Variants in CLPTM1 observed in about 807,000 individuals in gnomAD.
CLPTM1 encodes the protein putative lipid scramblase CLPTM1.
In CLPTM1, 21 loss-of-function variants were observed where a neutral mutation model predicts 77.3. The ratio of observed to expected loss-of-function variants is 0.27; its 90% confidence interval spans 0.19 to 0.39. The LOEUF is 0.39. Ranked by LOEUF, CLPTM1 falls within the 10% of genes least tolerant of loss-of-function variation. CLPTM1 has a pLI of 1.00. For missense variants in CLPTM1, 642 were observed against 921.2 expected (o/e 0.70, Z 3.92); for synonymous variants, 373 against 381.0 (o/e 0.98, Z 0.24).
Position 44,955,540 on chromosome 19 carries a change from C to T in CLPTM1, c.72+73C>T, listed in dbSNP as rs1970448950. ...GCCTCCCACGGGGCGTGTCCTACCT[C>T]TTGTCACGGAATCCCGTGCACTGGG... On this transcript the variant is annotated intron_variant, in intron 1 of 13. Transcript: ENST00000337392. The T allele has an allele frequency of 4.1e-6, 5 of 1,211,952 alleles. No individual in the cohort carries two copies. The South Asian group carries it at 1.5e-4, about 36-fold the overall frequency. 75.1% of individuals were successfully genotyped at this position (1,211,952 alleles called of 1,614,324 possible).
Position 44,990,011 on chromosome 19 carries a change from C to A in CLPTM1, c.1133-384C>A. 1 of 212,154 alleles carries A rather than the reference C, an allele frequency of 4.7e-6. No individual in the cohort carries two copies. Among genetic ancestry groups the A allele is most frequent in the Non-Finnish European group, 9.4e-6 (1 of 106,722 alleles). 13.1% of individuals were successfully genotyped at this position (212,154 alleles called of 1,614,324 possible). On this transcript the variant is annotated intron_variant, in intron 9 of 13. Coordinates refer to ENST00000337392, the MANE Select transcript of CLPTM1 (RefSeq NM_001294.4). The surrounding 1 kb of genome is among the most constrained non-coding windows in gnomAD (Gnocchi z 4.8). ...AGCTGGCACCATGGTGTGGCACAGA[C>A]CCCGCGTCCCTTCAGATTCTGCCAT...
chr19:44,954,800 G>C (rs1970430812), upstream of CLPTM1: 1 of 1,281,456 alleles, frequency 7.8e-7, no homozygotes, highest in African/African-American at 1.5e-5. Context: ...TTGGCCGTAA[G>C]ACCCCTGGAA....
chr19:44,968,801 G>A (rs1031157594), intron 2 of CLPTM1, among the ~76,000 whole-genome samples: 2 of 152,200 alleles, frequency 1.3e-5, no homozygotes, highest in Non-Finnish European at 2.9e-5. Flanking sequence ...CCCCTGGTGT[G>A]TTTACTAAAA....
At position 44,973,157 on chromosome 19, in the gene CLPTM1, G is replaced by A. The variant is rs1341560422; in HGVS notation, c.256G>A (p.Gly86Arg). Residue 86 changes from glycine to arginine, a missense_variant, in exon 3 of 14, where the codon GGA becomes AGA. By Grantham distance (125) the Gly-to-Arg change is moderately radical. This residue lies in a region of CLPTM1 where 521 missense variants were observed against 800.4 expected (regional missense o/e 0.65). Coordinates refer to ENST00000337392, the MANE Select transcript of CLPTM1 (RefSeq NM_001294.4). ...GPAPQDQAGP[G>R]GAPRVASRNL... ...GGCCCCTCAGGACCAGGCGGGCCCCGGAGGAGCTCCACGCGTCGCCAGCCG... is the reference window on the plus strand; with the variant it reads ...GGCCCCTCAGGACCAGGCGGGCCCCAGAGGAGCTCCACGCGTCGCCAGCCG... 7.4e-6 allele frequency: 12 copies of A among 1,614,004 alleles called. No homozygotes were observed. Among genetic ancestry groups the A allele is most frequent in the Non-Finnish European group, 9.3e-6 (11 of 1,179,948 alleles).
At chr19:44,971,399 A>G (rs1322652986) in intron 2 of CLPTM1, among the ~76,000 whole-genome samples, 1 of 152,104 alleles carries the variant, frequency 6.6e-6, no homozygotes, top group Non-Finnish European at 1.5e-5. Flanking sequence ...TTCCAGTGAG[A>G]GGGTTGGTCT....
chr19:44,967,843 G>A (rs1970658510), intron 2 of CLPTM1, among the ~76,000 whole-genome samples: 1 of 152,118 alleles, frequency 6.6e-6, no homozygotes, highest in African/African-American at 2.4e-5. Context: ...TTCCTGCCAT[G>A]TGCCCTACGC....
In CLPTM1 at chr19:44,990,756, G is replaced by A; in HGVS notation, c.1324-94G>A. On this transcript the variant is annotated intron_variant, in intron 10 of 13. Coordinates refer to ENST00000337392, the MANE Select transcript of CLPTM1 (RefSeq NM_001294.4). The surrounding 1 kb of genome is among the most constrained non-coding windows in gnomAD (Gnocchi z 4.8). The stretch of plus-strand genomic sequence containing the variant: ...TTTTTGGGTCACACATGGGGCAGGG[G>A]AACTGGGAACGGTGGGGAAGGGCAG... 2 of 1,304,290 alleles carry A rather than the reference G, an allele frequency of 1.5e-6. No homozygotes were observed. Among genetic ancestry groups the A allele is most frequent in the Non-Finnish European group, 2.2e-6 (2 of 914,278 alleles). The allele number at this position is 1,304,290 out of a possible 1,614,324, so 80.8% of individuals were successfully genotyped here.
At position 44,992,521 on chromosome 19, in the gene CLPTM1, C is replaced by T; in HGVS notation, c.1724-90C>T. The stretch of plus-strand genomic sequence containing the variant: ...GGGTGCTCAGTCTGAGGGGGCTCGG[C>T]CCCGCCCTTGCATCACGCCCTCTCC... On this transcript the variant is annotated intron_variant, in intron 13 of 13. Transcript: ENST00000337392. This position sits in a 1 kb window ranked among gnomAD's most constrained non-coding sequence, Gnocchi z 7.7. The T allele has an allele frequency of 6.3e-7, 1 of 1,590,918 alleles. No homozygotes were observed. The highest frequency in any genetic ancestry group is 8.6e-7 in the Non-Finnish European group (1 of 1,164,310).
intron 2 of CLPTM1, among the ~76,000 whole-genome samples, chr19:44,970,923 TG>T (rs1189273100): frequency 1.4e-5 from 2 of 145,602 alleles, no homozygotes; most frequent in South Asian, 2.2e-4. Flanking sequence ...CTCCTTCTCC[TG>T]GGTTCAAGCG....
At chr19:44,971,663 ACT>A (rs1263086103) in intron 2 of CLPTM1, among the ~76,000 whole-genome samples, 1 of 151,406 alleles carries the variant, frequency 6.6e-6, no homozygotes, top group African/African-American at 2.4e-5. Context: ...GGCTCAAGTG[ACT>A]CTCTCACCTC....
At chr19:44,980,262 A>C (rs888450333) in intron 5 of CLPTM1, among the ~76,000 whole-genome samples, 10 of 152,258 alleles carry the variant, frequency 6.6e-5, no homozygotes, top group African/African-American at 2.4e-4. Context: ...GAAACCCAGC[A>C]CTTTGGGAAG....
Position 44,992,730 on chromosome 19 carries a change from C to T in CLPTM1, c.1843C>T (p.Pro615Ser). The T allele has an allele frequency of 1.2e-6, 2 of 1,613,298 alleles. No individual in the cohort carries two copies. The highest frequency in any genetic ancestry group is 1.6e-4 in the Middle Eastern group (1 of 6,062). Residue 615 changes from proline (P) to serine (S), a missense_variant, in exon 14 of 14, where the codon CCC (proline) becomes TCC (serine). By Grantham distance (74) the Pro-to-Ser change is moderately conservative (BLOSUM62 -1). Coordinates refer to ENST00000337392, the MANE Select transcript of CLPTM1 (RefSeq NM_001294.4). This position sits in a 1 kb window ranked among gnomAD's most constrained non-coding sequence, Gnocchi z 7.7. ...AGCTGCCGCCCCCGTGGCCGAGGTT[C>T]CCACAGCAGCAGGGGCCCTCACGCC... ...PTAAAPVAEV[P>S]TAAGALTPTP...
chr19:44,992,161 A>C lies in CLPTM1; in HGVS notation c.1556-72A>C. On this transcript the variant is annotated intron_variant, in intron 12 of 13. Coordinates refer to ENST00000337392, the MANE Select transcript of CLPTM1 (RefSeq NM_001294.4). The surrounding 1 kb of genome is among the most constrained non-coding windows in gnomAD (Gnocchi z 7.7). ...TGTAGGAAGTGGTGAGGGGGCTGGTATGGCCAGTGCAGAGTGCACAGGGGA... is the reference window on the plus strand; with the variant it reads ...TGTAGGAAGTGGTGAGGGGGCTGGTCTGGCCAGTGCAGAGTGCACAGGGGA... 1 of 1,516,468 alleles carries C rather than the reference A, an allele frequency of 6.6e-7. No individual in the cohort carries two copies. Among genetic ancestry groups the C allele is most frequent in the East Asian group, 2.3e-5 (1 of 44,268 alleles). The allele number at this position is 1,516,468 out of a possible 1,614,324, so 93.9% of individuals were successfully genotyped here. A position where few individuals can be genotyped will look rare whatever the true frequency, so the allele number is the denominator to read the frequency against.
At chr19:44,969,155 A>T (rs180949221) in intron 2 of CLPTM1, among the ~76,000 whole-genome samples, 1 of 152,330 alleles carries the variant, frequency 6.6e-6, no homozygotes, top group East Asian at 1.9e-4. Context: ...ACCAGGCTCC[A>T]TTCTGAGGTA....
intron 4 of CLPTM1, 72 bp from the exon 5 acceptor site, chr19:44,977,271 G>A (rs1053487186): frequency 1.8e-6 from 2 of 1,108,360 alleles, no homozygotes; most frequent in Non-Finnish European, 1.4e-6. Flanking sequence ...GCAGATGGGT[G>A]CCAGGCAGGG....
At chr19:44,985,813 TGGG>T (rs36013825) in intron 6 of CLPTM1, among the ~76,000 whole-genome samples, 1 of 152,040 alleles carries the variant, frequency 6.6e-6, no homozygotes, top group Non-Finnish European at 1.5e-5. Flanking sequence ...GGTCCTGTGT[TGGG>T]GGGGTGGTCC....
At chr19:44,961,333 G>T (rs896848862) in intron 1 of CLPTM1, among the ~76,000 whole-genome samples, 1 of 152,142 alleles carries the variant, frequency 6.6e-6, no homozygotes, top group Admixed American at 6.5e-5. Flanking sequence ...CCACAGAGGG[G>T]GCCTCAGGAA....
At chr19:44,974,885 T>C (rs1354335985) in intron 4 of CLPTM1, among the ~76,000 whole-genome samples, 1 of 152,238 alleles carries the variant, frequency 6.6e-6, no homozygotes, top group Non-Finnish European at 1.5e-5. Context: ...GTAATTGTCC[T>C]TGGGGATGTT....
chr19:44,964,131 G>T (rs1270876528), intron 2 of CLPTM1, among the ~76,000 whole-genome samples: 4 of 151,786 alleles, frequency 2.6e-5, no homozygotes, highest in Non-Finnish European at 5.9e-5. Flanking sequence ...CTGGGCATCA[G>T]AGTGAGACCT....
Sources: allele counts gnomAD v4.1 joint callset (sites outside exome capture counted in the v4.1 genomes callset), GRCh38; gene constraint gnomAD v4.1.1; regional missense constraint gnomAD v4.1.1; non-coding constraint Gnocchi (gnomAD v3.1); transcripts MANE v1.5; gene names NCBI Gene and HGNC (gene_info 2026-07-23, HGNC 2026-07-21).